STKLD1: variants seen among roughly 807,000 people sequenced by gnomAD.
The protein encoded by STKLD1 is serine/threonine kinase like domain containing 1, also known as serine/threonine kinase-like domain-containing protein STKLD1.
A neutral mutation model predicts 80.4 loss-of-function variants in STKLD1; 79 were observed. The observed-to-expected ratio is 0.98, with a 90% CI of 0.82 to 1.19. STKLD1 has a LOEUF of 1.19. Among genes scored for constraint, STKLD1 ranks in the 50% most tolerant of loss-of-function variants. STKLD1 has a pLI of 0.00. For synonymous variants in STKLD1, 393 were observed against 357.6 expected (o/e 1.10, Z -1.12); for missense variants, 841 against 856.0 (o/e 0.98, Z 0.22).
rs147521136 is a variant in STKLD1, at chr9:133,381,870, G to A, written c.175-1986G>A. Among the ~76,000 whole-genome samples the A allele has an allele frequency of 1.7e-3, 255 of 152,354 alleles. 1 individual carries two copies. The highest frequency in any genetic ancestry group is 2.1e-3 in the Non-Finnish European group (144 of 68,020). On this transcript the variant is annotated intron_variant, in intron 2 of 17. Coordinates refer to ENST00000371957, the MANE Select transcript of STKLD1 (RefSeq NM_153710.5). Reference sequence around the variant, plus strand: ...TCAGTGTCTTTGCCCTGGATTCCACGGGACAGTGCCACTGGCATCTCAGGT... The same window carrying A: ...TCAGTGTCTTTGCCCTGGATTCCACAGGACAGTGCCACTGGCATCTCAGGT...
rs1554778201 is a variant in STKLD1, at chr9:133,403,976, CG to C, written c.1662del (p.Leu555CysfsTer9). The C allele has an allele frequency of 6.2e-7, 1 of 1,611,488 alleles. No individual in the cohort carries two copies. The highest frequency in any genetic ancestry group is 8.5e-7 in the Non-Finnish European group (1 of 1,179,004). ...GGTGGCGCTGCTCCTGCAAAGCATC[CG>C]GCTGTGCCAGGACAGAGCCCTGCTG... ...QVVALLLQSI[R>X]LCQDRALLVN... On this transcript the variant is annotated frameshift_variant, in exon 16 of 18. Coordinates refer to ENST00000371957, the MANE Select transcript of STKLD1 (RefSeq NM_153710.5). LOFTEE classifies it high-confidence loss of function.
intron 10 of STKLD1, 92 bp downstream of exon 10, chr9:133,397,386 T>C (rs1838589560): frequency 6.5e-7 from 1 of 1,539,560 alleles, no homozygotes; most frequent in Admixed American, 1.8e-5. Flanking sequence ...GTTCATTATT[T>C]ATGCCCCTGG....
At chr9:133,397,509 T>C (rs957362794) in intron 10 of STKLD1, among the ~76,000 whole-genome samples, 1 of 152,166 alleles carries the variant, frequency 6.6e-6, no homozygotes, top group Non-Finnish European at 1.5e-5. Flanking sequence ...CAACTACCTA[T>C]AACACAAAGT....
rs1838521063 is a variant in STKLD1, at chr9:133,394,972, A to G, written c.702+563A>G. ...AGCACTCCAAGGTCACTCTGGCTGC[A>G]GGGAGGCAGGGAAGTCCAGCCTGTC... is the stretch of plus-strand genomic sequence containing the variant. On this transcript the variant is annotated intron_variant, in intron 8 of 17. Transcript: ENST00000371957. This position sits in a 1 kb window ranked among gnomAD's most constrained non-coding sequence, Gnocchi z 4.9. Among the ~76,000 whole-genome samples, 1 of 152,226 alleles carries G rather than the reference A, an allele frequency of 6.6e-6. No individual in the cohort carries two copies. The highest frequency in any genetic ancestry group is 6.5e-5 in the Admixed American group (1 of 15,286).
In STKLD1 at chr9:133,404,895, C is replaced by G. The variant is rs587771083; in HGVS notation, c.1839C>G (p.Asn613Lys). 5.6e-6 allele frequency: 9 copies of G among 1,613,306 alleles called. No individual in the cohort carries two copies. Among genetic ancestry groups the G allele is most frequent in the Non-Finnish European group, 6.8e-6 (8 of 1,179,824 alleles). ...GGGACGACCCGGAGGTGGTGGAGAA[C>G]GTGGGCATGCTGCTGGTCCACCTGG... Reference protein sequence around the residue: ...LHRDDPEVVENVGMLLVHLAS... With the variant: ...LHRDDPEVVEKVGMLLVHLAS... The change falls in exon 17 of 18, where the codon AAC (asparagine) becomes AAG (lysine). Residue 613 changes from asparagine to lysine, a missense_variant. By Grantham distance (94) the Asn-to-Lys change is moderately conservative. Coordinates refer to ENST00000371957, the MANE Select transcript of STKLD1 (RefSeq NM_153710.5).
chr9:133,398,445 T>C (rs1188285674), intron 11 of STKLD1, among the ~76,000 whole-genome samples: 1 of 152,192 alleles, frequency 6.6e-6, no homozygotes, highest in Non-Finnish European at 1.5e-5. Context: ...TTCAAGAGTG[T>C]GAATACTTTA....
chr9:133,394,338 T>C lies in STKLD1; in HGVS notation c.631T>C (p.Phe211Leu). The change falls in exon 8 of 18, where the codon TTC (phenylalanine) becomes CTC (leucine). Residue 211 changes from phenylalanine to leucine, a missense_variant. Coordinates refer to ENST00000371957, the MANE Select transcript of STKLD1 (RefSeq NM_153710.5). This position sits in a 1 kb window ranked among gnomAD's most constrained non-coding sequence, Gnocchi z 4.9. ...GGCCCCTGAAGCCCTCAACTTCTCC[T>C]TCAGCCAGAAATCAGACATCTGGTC... is the stretch of plus-strand genomic sequence containing the variant. ...WMAPEALNFS[F>L]SQKSDIWSLG... 6.2e-7 allele frequency: 1 copy of C among 1,613,956 alleles called. No homozygotes were observed. Among genetic ancestry groups the C allele is most frequent in the Non-Finnish European group, 8.5e-7 (1 of 1,179,964 alleles).
rs2130284194 is a variant in STKLD1, at chr9:133,389,513, A to C, written c.397-13A>C. ...TGCCCCTCCCATCCTGGCACCCCCT[A>C]CTTCTCCCCCAGTGGATGCAGAATG... On this transcript the variant is annotated splice_polypyrimidine_tract_variant and intron_variant, in intron 5 of 17. Coordinates refer to ENST00000371957, the MANE Select transcript of STKLD1 (RefSeq NM_153710.5). The surrounding 1 kb of genome is among the most constrained non-coding windows in gnomAD (Gnocchi z 6.4). The C allele has an allele frequency of 6.2e-7, 1 of 1,612,686 alleles. No individual in the cohort carries two copies. The highest frequency in any genetic ancestry group is 1.1e-5 in the South Asian group (1 of 90,942).
At position 133,390,862 on chromosome 9, in the gene STKLD1, A is replaced by T. The variant is rs1838375434; in HGVS notation, c.583+66A>T. 3 of 1,250,534 alleles carry T rather than the reference A, an allele frequency of 2.4e-6. No homozygotes were observed. The Admixed American group carries it at 5.1e-5, about 21-fold the overall frequency. The allele number at this position is 1,250,534 out of a possible 1,614,324, so 77.5% of individuals were successfully genotyped here. A position where few individuals can be genotyped will look rare whatever the true frequency, so the allele number is the denominator to read the frequency against. On this transcript the variant is annotated intron_variant, in intron 7 of 17. Coordinates refer to ENST00000371957, the MANE Select transcript of STKLD1 (RefSeq NM_153710.5). The surrounding 1 kb of genome is among the most constrained non-coding windows in gnomAD (Gnocchi z 5.1). ...GCCTAGAATCCAGGCGGCGTTGGCC[A>T]CTCTGGGTGCTGGAGTGAGGCAACA... is the stretch of plus-strand genomic sequence containing the variant.
At chr9:133,399,069 G>A (rs1317305620) in intron 11 of STKLD1, among the ~76,000 whole-genome samples, 8 of 152,196 alleles carry the variant, frequency 5.3e-5, no homozygotes, top group Non-Finnish European at 1.2e-4. Flanking sequence ...GGCCAGGCTG[G>A]TCTCAAACGC....
chr9:133,389,708 G>T lies in STKLD1; in HGVS notation c.467+112G>T. On this transcript the variant is annotated intron_variant, in intron 6 of 17. Coordinates refer to ENST00000371957, the MANE Select transcript of STKLD1 (RefSeq NM_153710.5). This position sits in a 1 kb window ranked among gnomAD's most constrained non-coding sequence, Gnocchi z 6.4. ...CAGGATCTGGGGAGAAAGGTGCACC[G>T]GGCCAGTGCAGCCAGGATAGGATGG... 6.6e-7 allele frequency: 1 copy of T among 1,514,034 alleles called. No homozygotes were observed. The highest frequency in any genetic ancestry group is 8.9e-7 in the Non-Finnish European group (1 of 1,121,150). The allele number at this position is 1,514,034 out of a possible 1,614,324, so 93.8% of individuals were successfully genotyped here. A position where few individuals can be genotyped will look rare whatever the true frequency, so the allele number is the denominator to read the frequency against.
chr9:133,405,322 C>G lies in STKLD1; in HGVS notation c.1944C>G (p.Thr648=), dbSNP rs781855522. 4 of 1,612,976 alleles carry G rather than the reference C, an allele frequency of 2.5e-6. No homozygotes were observed. The South Asian group carries it at 4.4e-5, about 18-fold the overall frequency. ...TCCAGGAGATCAAGGAGCGCTTCACCTCCAGCCTGGTGAGTGACAGCAGCG... is the reference window on the plus strand; with the variant it reads ...TCCAGGAGATCAAGGAGCGCTTCACGTCCAGCCTGGTGAGTGACAGCAGCG... ...ALLQEIKERF[T]SSLVSDSSAF... is the part of the protein sequence containing the mutation. The change falls in exon 18 of 18, where the codon ACC becomes ACG. Residue 648 remains threonine, a synonymous_variant. Transcript: ENST00000371957.
rs1838606751 is a variant in STKLD1, at chr9:133,398,008, A to C, written c.1034A>C (p.Gln345Pro). ...AAATTCTCTGGCTGGCCCGAAGTCCAGCTCAGGGCCATGAAGAGGCTTCTG... is the reference window on the plus strand; with the variant it reads ...AAATTCTCTGGCTGGCCCGAAGTCCCGCTCAGGGCCATGAAGAGGCTTCTG... ...MQKFSGWPEV[Q>P]LRAMKRLLKM... The change falls in exon 11 of 18, where the codon CAG becomes CCG. Residue 345 changes from glutamine (Q) to proline (P), a missense_variant. Gln to Pro is a moderately conservative substitution (Grantham distance 76, BLOSUM62 -1). Transcript: ENST00000371957. The C allele has an allele frequency of 1.2e-6, 2 of 1,613,620 alleles. No individual in the cohort carries two copies. Among genetic ancestry groups the C allele is most frequent in the Non-Finnish European group, 1.7e-6 (2 of 1,179,880 alleles).
chr9:133,396,438 A>AAAAAC (rs587730131), intron 9 of STKLD1, among the ~76,000 whole-genome samples: 1 of 152,060 alleles, frequency 6.6e-6, no homozygotes, highest in Non-Finnish European at 1.5e-5. Context: ...ACCCTGTCTC[A>AAAAAC]AAAACAAAAC....
At chr9:133,398,332 T>C (rs1838614299) in intron 11 of STKLD1, among the ~76,000 whole-genome samples, 1 of 152,226 alleles carries the variant, frequency 6.6e-6, no homozygotes, top group African/African-American at 2.4e-5. Flanking sequence ...ATGAGGGGTA[T>C]CTGAGTTGTT....
intron 13 of STKLD1, 88 bp from the exon 14 acceptor site, chr9:133,402,790 A>G: frequency 6.9e-7 from 1 of 1,444,112 alleles, no homozygotes; most frequent in East Asian, 2.5e-5. Flanking sequence ...TTGCAGGTCA[A>G]ATGGGACTGC....
intron 14 of STKLD1, 137 bp from the exon 15 acceptor site, chr9:133,403,563 C>A: frequency 8.8e-7 from 1 of 1,135,160 alleles, no homozygotes; most frequent in Non-Finnish European, 1.2e-6. Flanking sequence ...GCACCCGTCT[C>A]TGAGGACAGT....
intron 11 of STKLD1, among the ~76,000 whole-genome samples, chr9:133,398,812 T>C (rs924859675): frequency 1.3e-5 from 2 of 151,098 alleles, no homozygotes; most frequent in African/African-American, 4.9e-5. Context: ...TGCTCATTCA[T>C]GGAGAGTGTT....
intron 9 of STKLD1, 117 bp from the exon 10 acceptor site, chr9:133,397,047 T>TCAGTGTC (rs1353804350): frequency 2.0e-5 from 29 of 1,433,838 alleles, no homozygotes; most frequent in Non-Finnish European, 2.7e-5. Context: ...AACAGGGAGT[T>TCAGTGTC]CAGTGTCCAG....
Sources: allele counts gnomAD v4.1 joint callset (sites outside exome capture counted in the v4.1 genomes callset), GRCh38; gene constraint gnomAD v4.1.1; non-coding constraint Gnocchi (gnomAD v3.1); transcripts MANE v1.5; gene names NCBI Gene and HGNC (gene_info 2026-07-23, HGNC 2026-07-21).